ARHGAP24: variants seen among roughly 807,000 people sequenced by gnomAD.
ARHGAP24 encodes the protein rho GTPase-activating protein 24.
In ARHGAP24, 50 loss-of-function variants were observed where a neutral mutation model predicts 76.4. That is an observed-to-expected ratio of 0.65 (90% CI 0.52 to 0.83). The LOEUF is 0.83. Among genes scored for constraint, ARHGAP24 ranks in the 40% least tolerant of loss-of-function variants. The pLI is 0.00. For missense variants in ARHGAP24, 930 were observed against 914.2 expected, an observed-to-expected ratio of 1.02 and a Z score of -0.22; for synonymous variants, 345 against 323.3, an observed-to-expected ratio of 1.07 and a Z score of -0.72.
rs904564954 is a variant in ARHGAP24, at chr4:85,765,171, C to CA, written c.268+43206dup. Among the ~76,000 whole-genome samples the CA allele has an allele frequency of 5.3e-5, 8 of 151,976 alleles. No individual in the cohort carries two copies. The South Asian group carries it at 8.3e-4, about 16-fold the overall frequency. On this transcript the variant is annotated intron_variant, in intron 3 of 9. Transcript: ENST00000395184. Reference sequence around the variant, plus strand: ...TCAGCTGAATACACTAGATATGCTACAAAAAAAGGTGTGTTTTGTGAAAGG... The same window carrying CA: ...TCAGCTGAATACACTAGATATGCTACAAAAAAAAGGTGTGTTTTGTGAAAGG...
intron 3 of ARHGAP24, among the ~76,000 whole-genome samples, chr4:85,868,476 C>T (rs532768439): frequency 6.6e-6 from 1 of 152,220 alleles, no homozygotes; most frequent in African/African-American, 2.4e-5. Flanking sequence ...TTTGCAGGGC[C>T]GTTTCTCCCA....
intron 9 of ARHGAP24, among the ~76,000 whole-genome samples, chr4:85,998,950 C>T (rs113407012): frequency 0.022 from 3,306 of 152,224 alleles, 139 homozygotes; most frequent in African/African-American, 0.076. Context: ...TTCTATATTT[C>T]GGTTTCTTCC....
chr4:85,528,343 A>AT (rs1725104539), intron 1 of ARHGAP24, among the ~76,000 whole-genome samples: 1 of 152,112 alleles, frequency 6.6e-6, no homozygotes, highest in Non-Finnish European at 1.5e-5. Flanking sequence ...ATTATTGCTT[A>AT]TTTTTAATTG....
intron 3 of ARHGAP24, among the ~76,000 whole-genome samples, chr4:85,786,605 G>A (rs1036842896): frequency 2.8e-4 from 42 of 152,170 alleles, no homozygotes; most frequent in Non-Finnish European, 1.0e-4. Flanking sequence ...GTATTAACAT[G>A]ATATTGTGGC....
chr4:85,947,160 C>A (rs952334589), intron 5 of ARHGAP24, among the ~76,000 whole-genome samples: 22 of 151,890 alleles, frequency 1.4e-4, no homozygotes, highest in African/African-American at 5.1e-4. Flanking sequence ...ATGTCCTTTG[C>A]CCCTTTTTTA....
At chr4:85,803,475 A>T (rs768216884) in intron 3 of ARHGAP24, among the ~76,000 whole-genome samples, 3 of 152,228 alleles carry the variant, frequency 2.0e-5, no homozygotes, top group African/African-American at 7.2e-5. Flanking sequence ...TCATGCCTAC[A>T]GCTTGAGAAC....
chr4:85,662,962 G>C (rs1417823976), intron 2 of ARHGAP24, among the ~76,000 whole-genome samples: 1 of 151,974 alleles, frequency 6.6e-6, no homozygotes. Context: ...GATGCCTCCA[G>C]CTTTGTTCTT....
chr4:85,977,346 C>T (rs767308540), intron 7 of ARHGAP24, among the ~76,000 whole-genome samples: 3 of 152,084 alleles, frequency 2.0e-5, no homozygotes, highest in African/African-American at 4.8e-5. Flanking sequence ...CAAAGCAGGC[C>T]AGGCCAAGAC....
rs867961171 is a variant in ARHGAP24, at chr4:85,626,257, G to A, written c.180+55536G>A. ...TGCTTCCTTCAGGAGCTCTTTTAGGGCAGGCCTGGTGGTGACAAAATCTCT... is the reference window on the plus strand; with the variant it reads ...TGCTTCCTTCAGGAGCTCTTTTAGGACAGGCCTGGTGGTGACAAAATCTCT... On this transcript the variant is annotated intron_variant, in intron 2 of 9. Transcript: ENST00000395184. Among the ~76,000 whole-genome samples, 1,275 of 152,220 alleles carry A rather than the reference G, an allele frequency of 8.4e-3. 20 individuals carry two copies. The highest frequency in any genetic ancestry group is 0.029 in the African/African-American group (1,217 of 41,530).
chr4:85,775,218 G>A (rs1444448294), intron 3 of ARHGAP24, among the ~76,000 whole-genome samples: 1 of 152,108 alleles, frequency 6.6e-6, no homozygotes. Flanking sequence ...TTCTGAGGAG[G>A]TGGCATTTGG....
rs147571205 is a variant in ARHGAP24 at position 85,551,554 on chromosome 4, T to C, written c.-20-18968T>C. On this transcript the variant is annotated intron_variant, in intron 1 of 9. Transcript: ENST00000395184. ...TCAGAATGATGCTGGCCTTATAGAATGAGTTGGAGAGGAGTTCCTTCTCCT... is the reference window on the plus strand; with the variant it reads ...TCAGAATGATGCTGGCCTTATAGAACGAGTTGGAGAGGAGTTCCTTCTCCT... 4.9e-3 allele frequency among the ~76,000 whole-genome samples: 741 copies of C among 152,318 alleles called. 8 individuals carry two copies. The highest frequency in any genetic ancestry group is 0.016 in the African/African-American group (683 of 41,562).
intron 3 of ARHGAP24, among the ~76,000 whole-genome samples, chr4:85,863,642 C>T (rs1578315208): frequency 6.6e-6 from 1 of 152,008 alleles, no homozygotes; most frequent in African/African-American, 2.4e-5. Flanking sequence ...CATTATTTCC[C>T]AATACCTAGA....
chr4:85,868,356 C>G (rs141391525), intron 3 of ARHGAP24, among the ~76,000 whole-genome samples: 1 of 152,142 alleles, frequency 6.6e-6, no homozygotes, highest in East Asian at 1.9e-4. Context: ...GTTTTCTATT[C>G]AGACCTTTAA....
chr4:85,742,657 T>C lies in ARHGAP24; in HGVS notation c.268+20685T>C, dbSNP rs113812216. ...AAATCCAATTAACAGATGTGGAAAC[T>C]GAGGTTTGTGACAAGGTTCAATCCC... On this transcript the variant is annotated intron_variant, in intron 3 of 9. Coordinates refer to ENST00000395184, the MANE Select transcript of ARHGAP24 (RefSeq NM_001025616.3). 7.2e-3 allele frequency among the ~76,000 whole-genome samples: 1,094 copies of C among 152,342 alleles called. 16 individuals are homozygous for C. The highest frequency in any genetic ancestry group is 0.024 in the African/African-American group (990 of 41,576).
At chr4:85,580,140 G>C (rs555045488) in intron 2 of ARHGAP24, among the ~76,000 whole-genome samples, 1 of 146,828 alleles carries the variant, frequency 6.8e-6, no homozygotes, top group East Asian at 2.6e-4. Flanking sequence ...GTGTGGTGGG[G>C]GGGGAGGGTG....
intron 3 of ARHGAP24, among the ~76,000 whole-genome samples, chr4:85,776,360 C>T (rs960942343): frequency 2.0e-5 from 3 of 152,158 alleles, no homozygotes; most frequent in African/African-American, 7.2e-5. Flanking sequence ...GAGTATTCCC[C>T]ACTAAACTAC....
At chr4:85,528,322 T>C (rs1578010093) in intron 1 of ARHGAP24, among the ~76,000 whole-genome samples, 2 of 152,082 alleles carry the variant, frequency 1.3e-5, no homozygotes, top group Admixed American at 6.6e-5. Context: ...TTAGCTATGA[T>C]TGCTAAAAAT....
intron 1 of ARHGAP24, among the ~76,000 whole-genome samples, chr4:85,517,463 A>T (rs60870136): frequency 0.052 from 7,918 of 152,224 alleles, 243 homozygotes; most frequent in African/African-American, 0.073. Flanking sequence ...ACAATTTAAA[A>T]TTTTTTTAAC....
intron 9 of ARHGAP24, among the ~76,000 whole-genome samples, chr4:85,997,957 A>G (rs1740783583): frequency 6.6e-6 from 1 of 152,096 alleles, no homozygotes; most frequent in African/African-American, 2.4e-5. Context: ...GCACTCAGCT[A>G]GTTTCTAACA....
Sources: allele counts gnomAD v4.1 joint callset (sites outside exome capture counted in the v4.1 genomes callset), GRCh38; gene constraint gnomAD v4.1.1; transcripts MANE v1.5; gene names NCBI Gene and HGNC (gene_info 2026-07-23, HGNC 2026-07-21).